Variants in DPP10 observed in about 807,000 individuals in gnomAD.
The protein encoded by DPP10 is dipeptidyl peptidase like 10.
Under a neutral mutation model 120.9 loss-of-function variants are expected in DPP10, and 33 were observed. The observed-to-expected ratio is 0.27, with a 90% CI of 0.21 to 0.37. The LOEUF (loss-of-function observed/expected upper bound fraction) is 0.37, where lower values mean the gene tolerates loss of function less well. DPP10 is among the 10% of genes least tolerant of loss of function. The pLI is 1.00. For missense variants in DPP10, 816 were observed against 942.8 expected, an observed-to-expected ratio of 0.87 and a Z score of 1.76; for synonymous variants, 337 against 326.1, an observed-to-expected ratio of 1.03 and a Z score of -0.36.
At chr2:115,235,006 A>G (rs904669775) in intron 1 of DPP10, among the ~76,000 whole-genome samples, 3 of 152,184 alleles carry the variant, frequency 2.0e-5, no homozygotes, top group African/African-American at 7.2e-5. Flanking sequence ...TTTAGACTCT[A>G]TTAACTTTTA....
intron 3 of DPP10, among the ~76,000 whole-genome samples, chr2:115,416,056 C>T (rs999199196): frequency 6.6e-6 from 1 of 151,778 alleles, no homozygotes; most frequent in Non-Finnish European, 1.5e-5. Context: ...TTTTTGGTTA[C>T]TCTATCTTCT....
chr2:114,967,655 G>A (rs1699126733), intron 1 of DPP10, among the ~76,000 whole-genome samples: 1 of 152,144 alleles, frequency 6.6e-6, no homozygotes, highest in African/African-American at 2.4e-5. Context: ...AGGCTGGAAG[G>A]TTTATAAATC....
At chr2:115,826,826 C>T (rs1688365029) in intron 21 of DPP10, among the ~76,000 whole-genome samples, 1 of 152,048 alleles carries the variant, frequency 6.6e-6, no homozygotes, top group Non-Finnish European at 1.5e-5. Flanking sequence ...TTCTTTTTAT[C>T]TATTTGTGTA....
chr2:115,380,241 T>A (rs1459680489), intron 3 of DPP10, among the ~76,000 whole-genome samples: 1 of 152,220 alleles, frequency 6.6e-6, no homozygotes, highest in African/African-American at 2.4e-5. Context: ...TGCTCCTGTA[T>A]TGGGTGCATA....
At chr2:114,557,578 C>T (rs991952611) in intron 1 of DPP10, among the ~76,000 whole-genome samples, 2 of 152,078 alleles carry the variant, frequency 1.3e-5, no homozygotes, top group African/African-American at 4.8e-5. Context: ...TTTGTACCCT[C>T]AGTTATTAAC....
At chr2:114,864,720 A>G (rs1690086958) in intron 1 of DPP10, among the ~76,000 whole-genome samples, 1 of 152,210 alleles carries the variant, frequency 6.6e-6, no homozygotes, top group South Asian at 2.1e-4. Flanking sequence ...CTGGAGTTAA[A>G]TTCAGAGGGA....
At chr2:114,997,256 G>A (rs1212380619) in intron 1 of DPP10, among the ~76,000 whole-genome samples, 2 of 151,164 alleles carry the variant, frequency 1.3e-5, no homozygotes, top group South Asian at 2.1e-4. Flanking sequence ...TTAGGAGGTC[G>A]AGGTGGGTGG....
intron 1 of DPP10, among the ~76,000 whole-genome samples, chr2:114,969,062 G>T (rs980752321): frequency 6.6e-6 from 1 of 152,288 alleles, no homozygotes; most frequent in East Asian, 1.9e-4. Context: ...TGACAGGTGG[G>T]CCAACTGACA....
At chr2:115,039,537 C>T (rs1488026293) in intron 1 of DPP10, among the ~76,000 whole-genome samples, 3 of 152,032 alleles carry the variant, frequency 2.0e-5, no homozygotes, top group Admixed American at 2.0e-4. Flanking sequence ...CAAGACCTTC[C>T]CAGTGGTTTG....
Position 115,165,884 on chromosome 2 carries a change from T to C in DPP10, c.61-143355T>C, listed in dbSNP as rs555060391. Among the ~76,000 whole-genome samples the C allele has an allele frequency of 4.9e-4, 75 of 152,312 alleles. 1 individual carries two copies. The highest frequency in any genetic ancestry group is 3.4e-3 in the Middle Eastern group (1 of 294). ...TAAAAAGCATATTTTTAAAAGCAAC[T>C]ATTTGACTACAAAGACAGCACTTGT... On this transcript the variant is annotated intron_variant, in intron 1 of 25. Coordinates refer to ENST00000410059, the MANE Select transcript of DPP10 (RefSeq NM_020868.6).
chr2:115,731,865 T>C (rs751513819), intron 8 of DPP10, among the ~76,000 whole-genome samples: 57 of 152,190 alleles, frequency 3.7e-4, no homozygotes, highest in African/African-American at 1.3e-3. Flanking sequence ...CAGAGGGATG[T>C]AAGCTATTCA....
chr2:115,329,079 C>G (rs899034736), intron 2 of DPP10, among the ~76,000 whole-genome samples: 6 of 151,934 alleles, frequency 3.9e-5, no homozygotes, highest in African/African-American at 9.7e-5. Flanking sequence ...TTTATGTACT[C>G]AGTATGAATA....
chr2:114,787,885 A>C (rs1299868981), intron 1 of DPP10, among the ~76,000 whole-genome samples: 3 of 152,236 alleles, frequency 2.0e-5, no homozygotes, highest in Non-Finnish European at 2.9e-5. Context: ...TTGCTATAAT[A>C]GTTTAATTGA....
chr2:114,788,455 C>A (rs1353291287), intron 1 of DPP10, among the ~76,000 whole-genome samples: 1 of 148,408 alleles, frequency 6.7e-6, no homozygotes. Context: ...CTCACTCTGT[C>A]ACCAGGCTGG....
intron 1 of DPP10, among the ~76,000 whole-genome samples, chr2:114,944,155 A>C (rs1001979848): frequency 2.0e-5 from 3 of 152,192 alleles, no homozygotes; most frequent in Non-Finnish European, 2.9e-5. Context: ...TTGAACCAAG[A>C]CTGAAAATGT....
chr2:115,151,785 T>G (rs1182419429), intron 1 of DPP10, among the ~76,000 whole-genome samples: 1 of 151,900 alleles, frequency 6.6e-6, no homozygotes, highest in African/African-American at 2.4e-5. Context: ...TTCATGGATC[T>G]TTTTGCCATC....
At chr2:115,763,735 C>A (rs933516479) in intron 12 of DPP10, among the ~76,000 whole-genome samples, 8 of 152,110 alleles carry the variant, frequency 5.3e-5, no homozygotes, top group African/African-American at 1.9e-4. Flanking sequence ...TTAATTGTTG[C>A]TACTAACATT....
At chr2:115,025,122 C>T (rs1703365913) in intron 1 of DPP10, among the ~76,000 whole-genome samples, 1 of 152,008 alleles carries the variant, frequency 6.6e-6, no homozygotes, top group South Asian at 2.1e-4. Flanking sequence ...TTTTATCTAA[C>T]TGTATATTTG....
intron 3 of DPP10, among the ~76,000 whole-genome samples, chr2:115,442,245 A>G (rs2072138637): frequency 6.6e-6 from 1 of 152,070 alleles, no homozygotes; most frequent in Non-Finnish European, 1.5e-5. Context: ...CCCAAAGCTC[A>G]CTGGCTCTGT....
Sources: allele counts gnomAD v4.1 joint callset (sites outside exome capture counted in the v4.1 genomes callset), GRCh38; gene constraint gnomAD v4.1.1; transcripts MANE v1.5; gene names NCBI Gene and HGNC (gene_info 2026-07-23, HGNC 2026-07-21).